NECAP1: variants seen among roughly 807,000 people sequenced by gnomAD.
NECAP1 encodes the protein adaptin ear-binding coat-associated protein 1.
A neutral mutation model predicts 33.4 loss-of-function variants in NECAP1; 13 were observed. The ratio of observed to expected loss-of-function variants is 0.39; its 90% confidence interval spans 0.25 to 0.62. NECAP1 has a LOEUF of 0.62. Among genes scored for constraint, NECAP1 ranks in the 20% least tolerant of loss-of-function variants. The pLI is 0.52. For synonymous variants in NECAP1, 109 were observed against 125.2 expected (o/e 0.87, Z 0.86); for missense variants, 272 against 347.4 (o/e 0.78, Z 1.73).
Position 8,093,019 on chromosome 12 carries a change from C to T in NECAP1, c.640C>T (p.Pro214Ser), listed in dbSNP as rs3203835. Residue 214 changes from proline (P) to serine (S), a missense_variant, in exon 6 of 8, where the codon CCC becomes TCC. By Grantham distance (74) the Pro-to-Ser change is moderately conservative. Transcript: ENST00000339754. The stretch of plus-strand genomic sequence containing the variant: ...CATCAGCAATCATGTCACCCCACCA[C>T]CCATTCCGAAATCTAACCATGGAGG... ...VAISNHVTPPPIPKSNHGGSD... is the reference protein window; with the variant it reads ...VAISNHVTPPSIPKSNHGGSD... 3 of 1,614,052 alleles carry T rather than the reference C, an allele frequency of 1.9e-6. No individual in the cohort carries two copies. Among genetic ancestry groups the T allele is most frequent in the Admixed American group, 3.3e-5 (2 of 59,998 alleles).
At chr12:8,084,221 C>T (rs1947468186) in intron 1 of NECAP1, among the ~76,000 whole-genome samples, 1 of 152,066 alleles carries the variant, frequency 6.6e-6, no homozygotes, top group Admixed American at 6.5e-5. Context: ...GCGCTGGGCC[C>T]TGTGGGTTGC....
chr12:8,085,108 C>A (rs1328154395), intron 1 of NECAP1, among the ~76,000 whole-genome samples: 1 of 152,176 alleles, frequency 6.6e-6, no homozygotes, highest in Non-Finnish European at 1.5e-5. Flanking sequence ...CAACCTCCGC[C>A]TCCCCGGTTC....
At chr12:8,092,585 T>C in intron 4 of NECAP1, 91 bp from the exon 5 acceptor site, 1 of 879,916 alleles carries the variant, frequency 1.1e-6, no homozygotes, top group Non-Finnish European at 1.7e-6. Flanking sequence ...TTCTGGAATC[T>C]CATTTCATAA....
intron 1 of NECAP1, among the ~76,000 whole-genome samples, chr12:8,087,522 A>ATTT (rs34100112): frequency 2.2e-5 from 3 of 137,344 alleles, no homozygotes; most frequent in Non-Finnish European, 1.6e-5. Context: ...CTTGTTCCTA[A>ATTT]TTTTTTTTTT....
rs1162765217 is a variant in NECAP1, at chr12:8,096,540, C to G, written c.*450C>G. 6.5e-6 allele frequency: 1 copy of G among 154,916 alleles called. No individual in the cohort carries two copies. The highest frequency in any genetic ancestry group is 1.4e-5 in the Non-Finnish European group (1 of 69,528). 9.6% of individuals were successfully genotyped at this position (154,916 alleles called of 1,614,324 possible). A position where few individuals can be genotyped will look rare whatever the true frequency, so the allele number is the denominator to read the frequency against. ...CCTTGCAACTTCCTTCTCCACTAACCCAGGACTAAAAATGGACAGGCTGAC... is the reference window on the plus strand; with the variant it reads ...CCTTGCAACTTCCTTCTCCACTAACGCAGGACTAAAAATGGACAGGCTGAC... On this transcript the variant is annotated 3_prime_UTR_variant, in exon 8 of 8. Coordinates refer to ENST00000339754, the MANE Select transcript of NECAP1 (RefSeq NM_015509.4).
chr12:8,086,637 C>A (rs1206903293), intron 1 of NECAP1, among the ~76,000 whole-genome samples: 2 of 151,076 alleles, frequency 1.3e-5, no homozygotes, highest in African/African-American at 4.9e-5. Flanking sequence ...AGGAAACTTA[C>A]AAATGCTTAG....
In NECAP1 at chr12:8,091,860, G is replaced by A. The variant is rs1465757811; in HGVS notation, c.383+10G>A. On this transcript the variant is annotated intron_variant, in intron 4 of 7. Transcript: ENST00000339754. Reference sequence around the variant, plus strand: ...TGCAGGATCACTTCAAGTGAGTGAAGCTTGTCCTTAGTTACGAGGCTGAAT... The same window carrying A: ...TGCAGGATCACTTCAAGTGAGTGAAACTTGTCCTTAGTTACGAGGCTGAAT... 1 of 1,610,466 alleles carries A rather than the reference G, an allele frequency of 6.2e-7. No individual in the cohort carries two copies. Among genetic ancestry groups the A allele is most frequent in the Non-Finnish European group, 8.5e-7 (1 of 1,177,790 alleles).
intron 1 of NECAP1, among the ~76,000 whole-genome samples, chr12:8,086,113 C>T (rs1182355019): frequency 2.6e-4 from 40 of 152,138 alleles, no homozygotes; most frequent in Admixed American, 2.6e-3. Flanking sequence ...TACCAGAACC[C>T]ACTTTATATT....
At chr12:8,094,131 C>T (rs1294693194) in intron 6 of NECAP1, among the ~76,000 whole-genome samples, 3 of 152,126 alleles carry the variant, frequency 2.0e-5, no homozygotes, top group Non-Finnish European at 2.9e-5. Context: ...TAAGCTTTCT[C>T]TTTCTGGAAT....
At chr12:8,092,616 G>T (rs1052938852) in intron 4 of NECAP1, 60 bp from the exon 5 acceptor site, 17 of 1,278,366 alleles carry the variant, frequency 1.3e-5, no homozygotes, top group Admixed American at 6.3e-5. Flanking sequence ...ACCCAAATTT[G>T]TATGTCAGAC....
At chr12:8,089,779 A>C (rs868398616) in intron 1 of NECAP1, 157 bp from the exon 2 acceptor site, 1 of 644,512 alleles carries the variant, frequency 1.6e-6, no homozygotes, top group Non-Finnish European at 2.8e-6. Flanking sequence ...TGTATGTAAC[A>C]TGAGGCATCT....
chr12:8,094,826 A>G (rs1301404986), intron 6 of NECAP1: 2 of 152,158 alleles, frequency 1.3e-5, no homozygotes, highest in South Asian at 2.1e-4. Flanking sequence ...AGGTTATAGA[A>G]CAGTTTAATC....
At position 8,096,119 on chromosome 12, in the gene NECAP1, C is replaced by T. The variant is rs777607602; in HGVS notation, c.*29C>T. 6 of 1,608,904 alleles carry T rather than the reference C, an allele frequency of 3.7e-6. No individual in the cohort carries two copies. In the South Asian group the frequency reaches 5.5e-5, roughly 15 times the overall value. On this transcript the variant is annotated 3_prime_UTR_variant, in exon 8 of 8. Coordinates refer to ENST00000339754, the MANE Select transcript of NECAP1 (RefSeq NM_015509.4). ...GCATTGGCAGGACATTAAGGACAGACTTGAGGAATAAAAATGACCTTGAGG... is the reference window on the plus strand; with the variant it reads ...GCATTGGCAGGACATTAAGGACAGATTTGAGGAATAAAAATGACCTTGAGG...
At chr12:8,093,116 G>C in intron 6 of NECAP1, 61 bp downstream of exon 6, 1 of 1,504,282 alleles carries the variant, frequency 6.6e-7, no homozygotes, top group African/African-American at 1.4e-5. Flanking sequence ...AGCAACACCT[G>C]TTTGTCAAGG....
In NECAP1 at chr12:8,097,874, T is replaced by A. The variant is rs1565646508; in HGVS notation, c.*1784T>A. 2 of 152,366 alleles carry A rather than the reference T, an allele frequency of 1.3e-5. No individual in the cohort carries two copies. The highest frequency in any genetic ancestry group is 4.1e-4 in the South Asian group (2 of 4,836). 9.4% of individuals were successfully genotyped at this position (152,366 alleles called of 1,614,324 possible). A position where few individuals can be genotyped will look rare whatever the true frequency, so the allele number is the denominator to read the frequency against. On this transcript the variant is annotated 3_prime_UTR_variant, in exon 8 of 8. Coordinates refer to ENST00000339754, the MANE Select transcript of NECAP1 (RefSeq NM_015509.4). ...TAAAGGATATTTATATCACTCTTTA[T>A]TAAGAAATAAGGCTTTTAAGAAGTT...
At chr12:8,092,844 C>T in intron 5 of NECAP1, 28 bp from the exon 6 acceptor site, 1 of 1,578,836 alleles carries the variant, frequency 6.3e-7, no homozygotes, top group Admixed American at 1.9e-5. Flanking sequence ...TGACATCTTT[C>T]TCTTGCTCTT....
At chr12:8,082,486 T>C in intron 1 of NECAP1, 103 bp downstream of exon 1, 2 of 1,051,222 alleles carry the variant, frequency 1.9e-6, no homozygotes, top group African/African-American at 1.6e-5. Flanking sequence ...ACCTCTGTAT[T>C]GTCACCTTGC....
At chr12:8,094,917 G>A (rs1310379207) in intron 6 of NECAP1, among the ~76,000 whole-genome samples, 1 of 152,082 alleles carries the variant, frequency 6.6e-6, no homozygotes, top group Non-Finnish European at 1.5e-5. Flanking sequence ...CCTAACGCTT[G>A]GCAATCACCA....
Position 8,092,947 on chromosome 12 carries a change from C to A in NECAP1, c.568C>A (p.Pro190Thr), listed in dbSNP as rs1947563140. Residue 190 changes from proline (P) to threonine (T), a missense_variant, in exon 6 of 8, where the codon CCG becomes ACG. Physicochemically the swap from Pro to Thr is conservative, Grantham distance 38. Coordinates refer to ENST00000339754, the MANE Select transcript of NECAP1 (RefSeq NM_015509.4). ...RGGGLSLLPP[P>T]PGGKVTIPPP... is the part of the protein sequence containing the mutation. ...TGGGGGTCTGAGCTTACTCCCACCC[C>A]CGCCAGGAGGCAAAGTCACTATTCC... 4 of 1,605,940 alleles carry A rather than the reference C, an allele frequency of 2.5e-6. No homozygotes were observed. The highest frequency in any genetic ancestry group is 3.4e-6 in the Non-Finnish European group (4 of 1,176,232).
Sources: gnomAD v4.1 joint callset for allele counts (sites outside exome capture counted in the v4.1 genomes callset) on GRCh38, gnomAD v4.1.1 for gene constraint, MANE v1.5 for transcripts, NCBI Gene and HGNC (gene_info 2026-07-23, HGNC 2026-07-21) for gene names.